The following PMF1 variants were observed in gnomAD, a reference collection of about 807,000 sequenced individuals.
PMF1 encodes polyamine-modulated factor 1.
Under a neutral mutation model 26.7 loss-of-function variants are expected in PMF1, and 21 were observed. That is an observed-to-expected ratio of 0.79 (90% CI 0.56 to 1.13). The LOEUF (loss-of-function observed/expected upper bound fraction) is 1.13. Ranked by LOEUF, PMF1 falls within the 50% of genes most tolerant of loss-of-function variation. PMF1 has a pLI of 0.00. For synonymous variants in PMF1, 105 were observed against 101.0 expected (o/e 1.04, Z -0.24); for missense variants, 266 against 254.9 (o/e 1.04, Z -0.30).
At chr1:156,238,121 G>A (rs759034210) in intron 4 of PMF1, among the ~76,000 whole-genome samples, 2 of 152,176 alleles carry the variant, frequency 1.3e-5, no homozygotes, top group African/African-American at 2.4e-5. Flanking sequence ...TCTGTATTCT[G>A]TTATACTATT....
chr1:156,214,439 A>AT (rs1254207523), intron 1 of PMF1, among the ~76,000 whole-genome samples: 1 of 152,104 alleles, frequency 6.6e-6, no homozygotes, highest in African/African-American at 2.4e-5. Flanking sequence ...CGCATAATTA[A>AT]TGATTTGTCT....
intron 1 of PMF1, among the ~76,000 whole-genome samples, chr1:156,215,907 T>C (rs1338042996): frequency 6.6e-6 from 1 of 152,152 alleles, no homozygotes; most frequent in Non-Finnish European, 1.5e-5. Flanking sequence ...CAGGCTGGTG[T>C]TGAACTCCTG....
chr1:156,223,710 C>T (rs1051571108), intron 1 of PMF1: 1 of 152,320 alleles, frequency 6.6e-6, no homozygotes, highest in African/African-American at 2.4e-5. Flanking sequence ...CCTTCAGCTA[C>T]ACTGCCTGAA....
chr1:156,238,132 G>A (rs1659143580), intron 4 of PMF1, among the ~76,000 whole-genome samples: 1 of 152,096 alleles, frequency 6.6e-6, no homozygotes. Context: ...TTATACTATT[G>A]GTTATGTGTC....
intron 4 of PMF1, 21 bp downstream of exon 4, chr1:156,236,504 C>T (rs1044874560): frequency 5.1e-6 from 8 of 1,580,196 alleles, no homozygotes; most frequent in Non-Finnish European, 6.9e-6. Context: ...CAGCCTGCCT[C>T]TTCCTCTTCC....
intron 1 of PMF1, chr1:156,220,757 A>C (rs1438772372): frequency 2.0e-5 from 3 of 151,958 alleles, no homozygotes; most frequent in Admixed American, 1.3e-4. Flanking sequence ...CCTGGGTTCA[A>C]GCAATTCTCC....
At chr1:156,223,735 C>T (rs1336486427) in intron 1 of PMF1, 1 of 152,452 alleles carries the variant, frequency 6.6e-6, no homozygotes, top group Non-Finnish European at 1.5e-5. Context: ...GTCCATGCTG[C>T]TCTTCTCCTG....
chr1:156,214,143 T>C (rs199814417), intron 1 of PMF1, among the ~76,000 whole-genome samples: 1 of 152,124 alleles, frequency 6.6e-6, no homozygotes, highest in Non-Finnish European at 1.5e-5. Flanking sequence ...CTGGAACTCC[T>C]GACCTCGTGA....
At chr1:156,232,465 T>TTCTG in intron 2 of PMF1, 40 bp downstream of exon 2, 1 of 1,597,822 alleles carries the variant, frequency 6.3e-7, no homozygotes, top group Non-Finnish European at 8.6e-7. Flanking sequence ...TTGACTTGGG[T>TTCTG]TCTGTCTCCA....
chr1:156,233,768 G>A (rs1379673096), intron 3 of PMF1, 40 bp downstream of exon 3: 1 of 1,559,984 alleles, frequency 6.4e-7, no homozygotes, highest in Non-Finnish European at 8.7e-7. Flanking sequence ...ACAGGAAAGA[G>A]GCAGCAATTA....
chr1:156,233,753 A>AGTG, intron 3 of PMF1, 25 bp downstream of exon 3: 1 of 1,587,514 alleles, frequency 6.3e-7, no homozygotes, highest in Admixed American at 1.8e-5. Flanking sequence ...GGGAGGTGAG[A>AGTG]AGGTACAGGA....
At chr1:156,213,840 C>T (rs1363448401) in intron 1 of PMF1, among the ~76,000 whole-genome samples, 2 of 152,240 alleles carry the variant, frequency 1.3e-5, no homozygotes, top group African/African-American at 4.8e-5. Context: ...ATCTTCTTCA[C>T]TGGGAGATTG....
At chr1:156,238,450 A>G (rs1659163596) in intron 4 of PMF1, among the ~76,000 whole-genome samples, 1 of 152,226 alleles carries the variant, frequency 6.6e-6, no homozygotes, top group Admixed American at 6.5e-5. Context: ...ATGACACAGT[A>G]GCAGCTTGGC....
chr1:156,239,975 G>A lies in PMF1; in HGVS notation c.*374G>A, dbSNP rs12715. The stretch of plus-strand genomic sequence containing the variant: ...AATCTCCACTGATTGCCCCCTTGCT[G>A]GCCAGCCCAGGGGCCTTTACCATGT... On this transcript the variant is annotated 3_prime_UTR_variant, in exon 5 of 5. Coordinates refer to ENST00000368277, the MANE Select transcript of PMF1 (RefSeq NM_007221.4). 0.016 allele frequency: 3,656 copies of A among 230,064 alleles called. 139 individuals are homozygous for A. The highest frequency in any genetic ancestry group is 0.078 in the African/African-American group (3,456 of 44,088). The allele number at this position is 230,064 out of a possible 1,614,324, so 14.3% of individuals were successfully genotyped here. A position where few individuals can be genotyped will look rare whatever the true frequency, so the allele number is the denominator to read the frequency against.
intron 1 of PMF1, among the ~76,000 whole-genome samples, chr1:156,214,091 G>C (rs573657487): frequency 3.6e-4 from 54 of 152,046 alleles, no homozygotes; most frequent in Non-Finnish European, 5.4e-4. Flanking sequence ...TTTTGTATCT[G>C]TACTAGTAGA....
chr1:156,227,157 A>C (rs1199236481), intron 1 of PMF1, among the ~76,000 whole-genome samples: 1 of 152,208 alleles, frequency 6.6e-6, no homozygotes, highest in African/African-American at 2.4e-5. Flanking sequence ...AGGATATTAT[A>C]ATTTGCGTAA....
intron 1 of PMF1, among the ~76,000 whole-genome samples, chr1:156,229,923 A>G (rs935565160): frequency 1.3e-4 from 20 of 152,250 alleles, no homozygotes; most frequent in African/African-American, 4.8e-4. Context: ...TTAATTCTTA[A>G]TAATGGCTGT....
intron 1 of PMF1, among the ~76,000 whole-genome samples, chr1:156,228,943 G>A (rs1057451431): frequency 6.6e-6 from 1 of 152,014 alleles, no homozygotes; most frequent in Admixed American, 6.6e-5. Flanking sequence ...GAGTCTTGCT[G>A]TGTCGCCCAG....
intron 1 of PMF1, among the ~76,000 whole-genome samples, chr1:156,224,996 T>C (rs891389234): frequency 3.3e-5 from 5 of 151,136 alleles, no homozygotes; most frequent in Non-Finnish European, 1.5e-5. Flanking sequence ...GCCTCCCGGG[T>C]TAAAGCGATT....
Sources: gnomAD v4.1 joint callset for allele counts (sites outside exome capture counted in the v4.1 genomes callset) on GRCh38, gnomAD v4.1.1 for gene constraint, MANE v1.5 for transcripts, NCBI Gene and HGNC (gene_info 2026-07-23, HGNC 2026-07-21) for gene names.